The following FAM135A variants were observed in gnomAD, a reference collection of about 807,000 sequenced individuals.
FAM135A encodes family with sequence similarity 135 member A, also known as protein FAM135A.
FAM135A carries 79 observed loss-of-function variants against 146.8 expected under a neutral mutation model. The ratio of observed to expected loss-of-function variants is 0.54; its 90% CI spans 0.45 to 0.65. FAM135A has a LOEUF of 0.65. FAM135A is among the 30% of genes least tolerant of loss of function. FAM135A has a pLI of 0.00. For missense variants in FAM135A, 1,623 were observed against 1,758.2 expected (o/e 0.92, Z 1.38); for synonymous variants, 562 against 603.6 (o/e 0.93, Z 1.01).
intron 10 of FAM135A, among the ~76,000 whole-genome samples, chr6:70,484,635 C>T (rs1784289421): frequency 6.6e-6 from 1 of 152,160 alleles, no homozygotes; most frequent in South Asian, 2.1e-4. Flanking sequence ...AAGGAGCATG[C>T]AACCTAGATC....
intron 4 of FAM135A, among the ~76,000 whole-genome samples, chr6:70,441,876 G>C (rs970637782): frequency 2.0e-5 from 3 of 151,676 alleles, no homozygotes; most frequent in African/African-American, 7.3e-5. Flanking sequence ...GTAGAGATGG[G>C]GTGTCACCAT....
At chr6:70,437,947 T>G (rs746546152) in intron 4 of FAM135A, among the ~76,000 whole-genome samples, 1 of 152,170 alleles carries the variant, frequency 6.6e-6, no homozygotes, top group Non-Finnish European at 1.5e-5. Flanking sequence ...AGAAAAAATT[T>G]TTAATCATTC....
chr6:70,547,243 T>G (rs1799013706), intron 20 of FAM135A, among the ~76,000 whole-genome samples: 1 of 152,142 alleles, frequency 6.6e-6, no homozygotes, highest in Non-Finnish European at 1.5e-5. Flanking sequence ...AGGTATCACT[T>G]TTGATATGTA....
chr6:70,514,253 A>G (rs1791702708), intron 12 of FAM135A, among the ~76,000 whole-genome samples: 1 of 152,200 alleles, frequency 6.6e-6, no homozygotes, highest in East Asian at 1.9e-4. Context: ...TCTTTTCTGT[A>G]GCAACTAATC....
chr6:70,544,977 G>C (rs1201360037), intron 20 of FAM135A, among the ~76,000 whole-genome samples: 2 of 151,808 alleles, frequency 1.3e-5, no homozygotes, highest in Admixed American at 1.3e-4. Context: ...TTTGAACCCA[G>C]GAGGCGTAGG....
intron 2 of FAM135A, among the ~76,000 whole-genome samples, chr6:70,416,213 G>A (rs1173601887): frequency 6.6e-6 from 1 of 152,120 alleles, no homozygotes; most frequent in Non-Finnish European, 1.5e-5. Context: ...TTTCTAATTA[G>A]TACATTAACT....
chr6:70,523,827 A>G, intron 13 of FAM135A, 140 bp from the exon 14 acceptor site: 2 of 699,954 alleles, frequency 2.9e-6, no homozygotes, highest in South Asian at 2.4e-5. Context: ...ATCGCTGACC[A>G]AGCAGCTCTC....
At chr6:70,530,195 G>C (rs79480816) in intron 16 of FAM135A, among the ~76,000 whole-genome samples, 1,960 of 152,222 alleles carry the variant, frequency 0.013, 18 homozygotes, top group Non-Finnish European at 0.021. Context: ...TAAGTATAAG[G>C]AATTTCAGTA....
At chr6:70,482,230 T>C (rs1783857961) in intron 10 of FAM135A, 76 bp downstream of exon 10, 2 of 1,453,726 alleles carry the variant, frequency 1.4e-6, no homozygotes, top group Admixed American at 4.3e-5. Flanking sequence ...CTATCAGCTT[T>C]GCCATAGTTT....
intron 2 of FAM135A, among the ~76,000 whole-genome samples, chr6:70,423,075 A>G (rs1212755549): frequency 2.0e-5 from 3 of 152,222 alleles, no homozygotes; most frequent in African/African-American, 7.2e-5. Context: ...AGGGAACTGA[A>G]GGAGTGAGTC....
intron 4 of FAM135A, among the ~76,000 whole-genome samples, chr6:70,452,251 A>G (rs140552689): frequency 5.3e-4 from 80 of 152,160 alleles, no homozygotes; most frequent in Non-Finnish European, 9.7e-4. Flanking sequence ...GAAATATTAT[A>G]TGTATTGTAT....
chr6:70,456,182 C>T (rs1455903923), intron 5 of FAM135A, among the ~76,000 whole-genome samples: 1 of 152,158 alleles, frequency 6.6e-6, no homozygotes, highest in Non-Finnish European at 1.5e-5. Context: ...GATTCAAATA[C>T]CCAAAAGGAA....
chr6:70,502,961 A>AC, intron 12 of FAM135A, 170 bp downstream of exon 12: 1 of 649,104 alleles, frequency 1.5e-6, no homozygotes. Context: ...ATAGAACAAT[A>AC]CAGTTAAGCA....
chr6:70,496,986 C>T lies in FAM135A; in HGVS notation c.874-5650C>T, dbSNP rs555724916. On this transcript the variant is annotated intron_variant, in intron 11 of 21. Coordinates refer to ENST00000418814, the MANE Select transcript of FAM135A (RefSeq NM_001162529.3). The stretch of plus-strand genomic sequence containing the variant: ...TTTGCTTAGGATTGTCTTGGCTATA[C>T]GGTCTCTTTTTTGGTTCCATATGAA... Among the ~76,000 whole-genome samples, 105 of 152,172 alleles carry T rather than the reference C, an allele frequency of 6.9e-4. 2 individuals carry two copies. In the South Asian group the frequency reaches 0.02, roughly 29 times the overall value.
intron 5 of FAM135A, among the ~76,000 whole-genome samples, chr6:70,455,518 T>A (rs1201190347): frequency 2.0e-5 from 3 of 152,170 alleles, no homozygotes; most frequent in Non-Finnish European, 4.4e-5. Flanking sequence ...CATGTCAATG[T>A]ATATATTATT....
chr6:70,459,210 C>T (rs1778948779), intron 5 of FAM135A, among the ~76,000 whole-genome samples: 1 of 152,160 alleles, frequency 6.6e-6, no homozygotes, highest in African/African-American at 2.4e-5. Context: ...ATCTTAATAC[C>T]TTTTCCTTCC....
chr6:70,486,239 A>C (rs1784623943), intron 10 of FAM135A: 1 of 1,613,636 alleles, frequency 6.2e-7, no homozygotes, highest in Non-Finnish European at 8.5e-7. Context: ...AAAGACAACC[A>C]TCTAGGTACG....
chr6:70,433,325 C>T (rs1445496177), intron 4 of FAM135A, among the ~76,000 whole-genome samples: 2 of 152,040 alleles, frequency 1.3e-5, no homozygotes, highest in South Asian at 2.1e-4. Flanking sequence ...CCGCCCGCCT[C>T]GGCGTCCCAA....
chr6:70,439,660 G>A (rs561188378), intron 4 of FAM135A, among the ~76,000 whole-genome samples: 19 of 152,032 alleles, frequency 1.2e-4, no homozygotes, highest in African/African-American at 3.4e-4. Context: ...TTCTATGTCC[G>A]CTCTTCATTT....
Sources: allele counts gnomAD v4.1 joint callset (sites outside exome capture counted in the v4.1 genomes callset), GRCh38; gene constraint gnomAD v4.1.1; transcripts MANE v1.5; gene names NCBI Gene and HGNC (gene_info 2026-07-23, HGNC 2026-07-21).